Variants in MAGI1 observed in about 807,000 individuals in gnomAD.
MAGI1 encodes membrane-associated guanylate kinase, WW and PDZ domain-containing protein 1.
Under a neutral mutation model 139.9 loss-of-function variants are expected in MAGI1, and 58 were observed. The observed-to-expected ratio is 0.41, with a 90% CI of 0.34 to 0.52. MAGI1 has a LOEUF of 0.52. Ranked by LOEUF, MAGI1 falls within the 20% of genes least tolerant of loss-of-function variation. MAGI1 has a pLI of 0.12. For synonymous variants in MAGI1, 812 were observed against 737.9 expected, an observed-to-expected ratio of 1.10 and a Z score of -1.63; for missense variants, 1,874 against 1,901.6, an observed-to-expected ratio of 0.99 and a Z score of 0.27.
At chr3:65,539,684 C>T (rs994745654) in intron 2 of MAGI1, among the ~76,000 whole-genome samples, 3 of 152,162 alleles carry the variant, frequency 2.0e-5, no homozygotes, top group Non-Finnish European at 4.4e-5. Context: ...TTCCTGGGCA[C>T]TCTAGCAGAC....
At chr3:65,868,112 C>T (rs2059793744) in intron 1 of MAGI1, among the ~76,000 whole-genome samples, 1 of 152,276 alleles carries the variant, frequency 6.6e-6, no homozygotes, top group Admixed American at 6.5e-5. Context: ...AAAGACGCTC[C>T]AGTGCTTTCC....
chr3:65,521,495 G>C (rs756698778), intron 2 of MAGI1, among the ~76,000 whole-genome samples: 2 of 152,142 alleles, frequency 1.3e-5, no homozygotes, highest in African/African-American at 4.8e-5. Context: ...ATGCCAACAT[G>C]CCATTAGTTT....
chr3:65,365,380 T>G (rs1349010408), intron 18 of MAGI1, among the ~76,000 whole-genome samples: 1 of 152,198 alleles, frequency 6.6e-6, no homozygotes, highest in African/African-American at 2.4e-5. Context: ...ATTTAGTGAG[T>G]CGGCTTAATT....
intron 1 of MAGI1, among the ~76,000 whole-genome samples, chr3:65,849,301 A>G (rs2059122680): frequency 6.6e-6 from 1 of 151,514 alleles, no homozygotes. Context: ...CTAGGATTAC[A>G]AGCATGAGTC....
At chr3:65,712,296 A>G (rs7621341) in intron 1 of MAGI1, among the ~76,000 whole-genome samples, 70,419 of 151,432 alleles carry the variant, frequency 0.47, 17,777 homozygotes, top group African/African-American at 0.66. Context: ...GAGGAAACTG[A>G]GCCGCACAGG....
chr3:65,625,661 T>C (rs534924670), intron 1 of MAGI1, among the ~76,000 whole-genome samples: 1 of 152,298 alleles, frequency 6.6e-6, no homozygotes, highest in East Asian at 1.9e-4. Context: ...TGTTGTTGAA[T>C]GGACGATTAT....
At chr3:66,023,253 G>C (rs1337572999) in intron 1 of MAGI1, among the ~76,000 whole-genome samples, 1 of 152,108 alleles carries the variant, frequency 6.6e-6, no homozygotes, top group Non-Finnish European at 1.5e-5. Context: ...AGGGGGAAAG[G>C]GGACTAGAGA....
intron 1 of MAGI1, among the ~76,000 whole-genome samples, chr3:65,694,544 A>T (rs142874381): frequency 2.4e-3 from 373 of 152,340 alleles, no homozygotes; most frequent in Non-Finnish European, 3.6e-3. Flanking sequence ...AACCTTGATA[A>T]GCCATCCTCA....
chr3:65,373,365 G>A (rs780593081), intron 18 of MAGI1, among the ~76,000 whole-genome samples: 4 of 152,078 alleles, frequency 2.6e-5, no homozygotes, highest in Non-Finnish European at 1.5e-5. Flanking sequence ...ATGGTTTGTG[G>A]CACCCCCAAA....
intron 1 of MAGI1, among the ~76,000 whole-genome samples, chr3:65,959,663 CTA>C (rs2064318560): frequency 6.8e-6 from 1 of 146,662 alleles, no homozygotes; most frequent in African/African-American, 2.5e-5. Context: ...CAAGGTCTCC[CTA>C]TGTTTCCCAG....
chr3:65,530,836 T>TAC (rs35006124), intron 2 of MAGI1, among the ~76,000 whole-genome samples: 51,217 of 89,992 alleles, frequency 0.57, 15,879 homozygotes, highest in East Asian at 0.75. Flanking sequence ...TATATATATA[T>TAC]ATACACACAC....
intron 2 of MAGI1, among the ~76,000 whole-genome samples, chr3:65,606,708 G>C (rs1559714187): frequency 6.6e-6 from 1 of 152,122 alleles, no homozygotes; most frequent in Non-Finnish European, 1.5e-5. Context: ...AGTAGAGATG[G>C]GGTTTCACCA....
chr3:65,794,454 G>GC (rs1442075602), intron 1 of MAGI1, among the ~76,000 whole-genome samples: 1 of 152,008 alleles, frequency 6.6e-6, no homozygotes, highest in Admixed American at 6.6e-5. Flanking sequence ...CACTTCCCCA[G>GC]CCCCCACCCA....
In MAGI1 at chr3:65,718,770, A is replaced by T. The variant is rs764010833; in HGVS notation, c.314-96682T>A. Reference sequence around the variant, plus strand: ...ATCCTTTTTCATATGAATCTCCCAGAAACAACATATTTGTCACATTTGTAT... The same window carrying T: ...ATCCTTTTTCATATGAATCTCCCAGTAACAACATATTTGTCACATTTGTAT... On this transcript the variant is annotated intron_variant, in intron 1 of 22. Coordinates refer to ENST00000402939, the MANE Select transcript of MAGI1 (RefSeq NM_001033057.2). Among the ~76,000 whole-genome samples the T allele has an allele frequency of 1.9e-4, 29 of 152,204 alleles. 1 individual carries two copies. Among genetic ancestry groups the T allele is most frequent in the Non-Finnish European group, 2.9e-5 (2 of 68,024 alleles).
chr3:65,723,927 G>A (rs1444530464), intron 1 of MAGI1, among the ~76,000 whole-genome samples: 1 of 152,094 alleles, frequency 6.6e-6, no homozygotes, highest in East Asian at 1.9e-4. Flanking sequence ...TTTGGGGATT[G>A]GAAAAAGTAA....
At chr3:65,874,119 C>G (rs114643838) in intron 1 of MAGI1, 2,418 of 152,602 alleles carry the variant, frequency 0.016, 32 homozygotes, top group Admixed American at 0.025. Context: ...GACCCCATCT[C>G]TACAAAAAAT....
intron 1 of MAGI1, among the ~76,000 whole-genome samples, chr3:66,015,372 T>C (rs558729836): frequency 2.0e-4 from 30 of 152,192 alleles, no homozygotes; most frequent in African/African-American, 5.5e-4. Flanking sequence ...CATTTCCTCA[T>C]TGATAACTGT....
At position 65,363,700 on chromosome 3, in the gene MAGI1, T is replaced by A. The variant is rs544953390; in HGVS notation, c.3352-92A>T. ...TCTTGGCAAAAAGGCACAATCTCTA[T>A]CCCCCTCTTGGTGACTCTTGTTTAT... is the stretch of plus-strand genomic sequence containing the variant. On this transcript the variant is annotated intron_variant, in intron 20 of 22. Transcript: ENST00000402939. The A allele has an allele frequency of 8.7e-4, 913 of 1,052,802 alleles. 17 individuals carry two copies. In the South Asian group the frequency reaches 0.012, roughly 14 times the overall value. 65.2% of individuals were successfully genotyped at this position (1,052,802 alleles called of 1,614,324 possible).
rs1559507955 is a variant in MAGI1, at chr3:66,027,270, AAATAAAT to A, written c.313+10719_313+10725del. 1.1e-3 allele frequency among the ~76,000 whole-genome samples: 157 copies of A among 137,446 alleles called. 1 individual carries two copies. The highest frequency in any genetic ancestry group is 3.7e-3 in the African/African-American group (134 of 36,246). The allele number at this position is 137,446 out of a possible 152,430, so 90.2% of individuals were successfully genotyped here. The stretch of plus-strand genomic sequence containing the variant: ...GTGACAATGAGACTCCGTCTCAAAT[AAATAAAT>A]AAATAAATAAATAAATAAATAAATA... On this transcript the variant is annotated intron_variant, in intron 1 of 22. Transcript: ENST00000402939.
Sources: gnomAD v4.1 joint callset for allele counts (sites outside exome capture counted in the v4.1 genomes callset) on GRCh38, gnomAD v4.1.1 for gene constraint, MANE v1.5 for transcripts, NCBI Gene and HGNC (gene_info 2026-07-23, HGNC 2026-07-21) for gene names.